CSMD3: variants seen among roughly 807,000 people sequenced by gnomAD.
CSMD3 encodes CUB and sushi domain-containing protein 3.
A neutral mutation model predicts 435.2 loss-of-function variants in CSMD3; 177 were observed. That is an observed-to-expected ratio of 0.41 (90% confidence interval 0.36 to 0.46). The LOEUF (loss-of-function observed/expected upper bound fraction) is 0.46. Among genes scored for constraint, CSMD3 ranks in the 20% least tolerant of loss-of-function variants. The pLI, the probability that CSMD3 is intolerant of heterozygous loss-of-function variation, is 0.34. For synonymous variants in CSMD3, 1,656 were observed against 1,520.5 expected, an observed-to-expected ratio of 1.09 and a Z score of -2.07; for missense variants, 4,265 against 4,504.6, an observed-to-expected ratio of 0.95 and a Z score of 1.52.
At chr8:112,368,016 G>A (rs984917983) in intron 38 of CSMD3, among the ~76,000 whole-genome samples, 1 of 152,088 alleles carries the variant, frequency 6.6e-6, no homozygotes, top group African/African-American at 2.4e-5. Flanking sequence ...TTGGTTTTTA[G>A]GGAACCTCAA....
chr8:113,244,461 A>G (rs577232275), intron 3 of CSMD3, among the ~76,000 whole-genome samples: 33 of 152,134 alleles, frequency 2.2e-4, no homozygotes, highest in African/African-American at 7.2e-4. Context: ...GATTACAGGC[A>G]TGTGTCACCA....
intron 24 of CSMD3, among the ~76,000 whole-genome samples, chr8:112,566,320 A>T (rs774788582): frequency 1.1e-4 from 16 of 152,052 alleles, no homozygotes; most frequent in Non-Finnish European, 1.9e-4. Context: ...GGGAATAATA[A>T]TATTATCTCC....
intron 13 of CSMD3, among the ~76,000 whole-genome samples, chr8:112,693,805 A>G (rs564451952): frequency 6.6e-6 from 1 of 151,900 alleles, no homozygotes; most frequent in African/African-American, 2.4e-5. Flanking sequence ...TTTAGCCCTC[A>G]TGTTGCGCAA....
chr8:113,160,250 A>C (rs2092013663), intron 4 of CSMD3, among the ~76,000 whole-genome samples: 1 of 151,888 alleles, frequency 6.6e-6, no homozygotes, highest in Non-Finnish European at 1.5e-5. Context: ...CAAAAGAAAT[A>C]ATCTTATTAT....
chr8:112,894,646 G>T (rs1038726512), intron 10 of CSMD3, among the ~76,000 whole-genome samples: 14 of 151,070 alleles, frequency 9.3e-5, no homozygotes, highest in Non-Finnish European at 2.1e-4. Flanking sequence ...TCAATATTTT[G>T]TTGCTATTTT....
chr8:112,856,870 A>G (rs2080675665), intron 11 of CSMD3, among the ~76,000 whole-genome samples: 1 of 151,822 alleles, frequency 6.6e-6, no homozygotes, highest in Non-Finnish European at 1.5e-5. Context: ...ATTTATACCA[A>G]CAATTTCCTT....
At chr8:112,928,628 T>G (rs1464073579) in intron 9 of CSMD3, among the ~76,000 whole-genome samples, 1 of 150,600 alleles carries the variant, frequency 6.6e-6, no homozygotes, top group Admixed American at 6.6e-5. Flanking sequence ...CATCATTTTT[T>G]ATGGCTGCAT....
chr8:112,485,043 T>C (rs1318797807), intron 31 of CSMD3, among the ~76,000 whole-genome samples: 2 of 152,134 alleles, frequency 1.3e-5, no homozygotes, highest in Admixed American at 6.6e-5. Flanking sequence ...GATTTGTTTA[T>C]AACAATGTTA....
chr8:113,216,473 T>C (rs951269884), intron 3 of CSMD3, among the ~76,000 whole-genome samples: 11 of 151,946 alleles, frequency 7.2e-5, no homozygotes, highest in Admixed American at 4.6e-4. Context: ...TATTTCATTG[T>C]ATTTTCTCAG....
At chr8:112,333,457 G>C (rs1824265894) in intron 45 of CSMD3, among the ~76,000 whole-genome samples, 1 of 152,170 alleles carries the variant, frequency 6.6e-6, no homozygotes, top group African/African-American at 2.4e-5. Flanking sequence ...ATGAGCCACT[G>C]CGCCTGGCCT....
intron 5 of CSMD3, among the ~76,000 whole-genome samples, chr8:113,078,438 T>C (rs1315847243): frequency 6.6e-6 from 1 of 152,194 alleles, no homozygotes; most frequent in East Asian, 1.9e-4. Context: ...AAATTAAACA[T>C]GAAACACGTT....
intron 32 of CSMD3, among the ~76,000 whole-genome samples, chr8:112,409,456 G>A (rs1367615855): frequency 6.6e-6 from 1 of 151,610 alleles, no homozygotes; most frequent in Non-Finnish European, 1.5e-5. Context: ...TTTAATTCAG[G>A]GGATTTTTTA....
intron 13 of CSMD3, among the ~76,000 whole-genome samples, chr8:112,757,579 T>C (rs1216627651): frequency 6.6e-6 from 1 of 152,122 alleles, no homozygotes; most frequent in Non-Finnish European, 1.5e-5. Context: ...TCTCTTAATT[T>C]GGGGGAAAAT....
intron 63 of CSMD3, 39 bp from the exon 64 acceptor site, chr8:112,247,170 C>T: frequency 7.9e-7 from 1 of 1,271,064 alleles, no homozygotes; most frequent in Non-Finnish European, 1.1e-6. Flanking sequence ...TATTCCCCTA[C>T]AACTTCAAAT....
At chr8:112,604,305 T>A (rs1269811029) in intron 22 of CSMD3, among the ~76,000 whole-genome samples, 1 of 152,206 alleles carries the variant, frequency 6.6e-6, no homozygotes, top group African/African-American at 2.4e-5. Flanking sequence ...TTGGGCTTTT[T>A]ATTTTTGCAT....
At chr8:113,330,368 C>CA (rs145292010) in intron 1 of CSMD3, among the ~76,000 whole-genome samples, 19,181 of 150,872 alleles carry the variant, frequency 0.13, 1,242 homozygotes, top group Middle Eastern at 0.18. Flanking sequence ...AAGTATTTAA[C>CA]AAAAAAAATG....
At chr8:112,988,683 T>G (rs895206346) in intron 6 of CSMD3, among the ~76,000 whole-genome samples, 2 of 152,032 alleles carry the variant, frequency 1.3e-5, no homozygotes, top group Non-Finnish European at 2.9e-5. Flanking sequence ...TTCAGAAAAT[T>G]TCTTGCAAGT....
chr8:112,925,742 T>C (rs2082890536), intron 9 of CSMD3, among the ~76,000 whole-genome samples: 1 of 152,170 alleles, frequency 6.6e-6, no homozygotes, highest in Admixed American at 6.5e-5. Context: ...TCTACCTTAC[T>C]ATTTTATCTT....
intron 27 of CSMD3, among the ~76,000 whole-genome samples, chr8:112,532,850 G>T (rs865807308): frequency 1.3e-5 from 2 of 152,016 alleles, no homozygotes; most frequent in African/African-American, 4.8e-5. Context: ...TTAGTCTGAA[G>T]AAGAAAAGAC....
Sources: allele counts gnomAD v4.1 joint callset (sites outside exome capture counted in the v4.1 genomes callset), GRCh38; gene constraint gnomAD v4.1.1; transcripts MANE v1.5; gene names NCBI Gene and HGNC (gene_info 2026-07-23, HGNC 2026-07-21).